The following LINGO2 variants were observed in gnomAD, a reference collection of about 807,000 sequenced individuals.
LINGO2 encodes the protein leucine rich repeat and Ig domain containing 2, also known as leucine-rich repeat and immunoglobulin-like domain-containing nogo receptor-interacting protein 2.
LINGO2 carries 14 observed loss-of-function variants against 30.6 expected under a neutral mutation model. The observed-to-expected ratio is 0.46, with a 90% CI of 0.30 to 0.72. The LOEUF (loss-of-function observed/expected upper bound fraction) is 0.72, where lower values mean the gene tolerates loss of function less well. Ranked by LOEUF, LINGO2 falls within the 30% of genes least tolerant of loss-of-function variation. LINGO2 has a pLI of 0.07. For synonymous variants in LINGO2, 317 were observed against 288.5 expected, an observed-to-expected ratio of 1.10 and a Z score of -1.00; for missense variants, 729 against 751.7, an observed-to-expected ratio of 0.97 and a Z score of 0.35.
the LINGO2 span, among the ~76,000 whole-genome samples, chr9:29,135,795 T>A: frequency 6.6e-6 from 1 of 152,062 alleles, no homozygotes; most frequent in Admixed American, 6.6e-5. Context: ...TCCCACTAGC[T>A]CCTAGCAACC....
chr9:28,490,104 AG>A (rs1346839570), intron 1 of LINGO2, among the ~76,000 whole-genome samples: 1 of 152,074 alleles, frequency 6.6e-6, no homozygotes, highest in African/African-American at 2.4e-5. Flanking sequence ...GTTAGTAAAA[AG>A]GTATATGGTG....
intron 3 of LINGO2, among the ~76,000 whole-genome samples, chr9:28,363,003 C>A (rs894598233): frequency 1.3e-5 from 2 of 152,096 alleles, no homozygotes; most frequent in African/African-American, 2.4e-5. Context: ...CTTCATGTCT[C>A]TTCCCCTTCT....
chr9:28,348,778 C>T (rs1230044190), intron 3 of LINGO2, among the ~76,000 whole-genome samples: 2 of 151,914 alleles, frequency 1.3e-5, no homozygotes, highest in Non-Finnish European at 2.9e-5. Flanking sequence ...AGCAGTGGTT[C>T]TCCCAGCACG....
intron 1 of LINGO2, among the ~76,000 whole-genome samples, chr9:28,591,252 T>C (rs957160158): frequency 7.2e-5 from 11 of 152,030 alleles, no homozygotes; most frequent in Admixed American, 6.6e-5. Context: ...GGCACATGTA[T>C]ACATATGTAA....
chr9:28,806,746 C>A, the LINGO2 span, among the ~76,000 whole-genome samples: 1 of 152,170 alleles, frequency 6.6e-6, no homozygotes, highest in African/African-American at 2.4e-5. Flanking sequence ...TTTTCTTATA[C>A]TCCTTAAACT....
intron 3 of LINGO2, among the ~76,000 whole-genome samples, chr9:28,326,542 A>G (rs909655847): frequency 2.0e-5 from 3 of 152,168 alleles, no homozygotes; most frequent in Non-Finnish European, 4.4e-5. Context: ...TAATTACTGT[A>G]TTTGTTGTTC....
intron 2 of LINGO2, among the ~76,000 whole-genome samples, chr9:28,425,316 T>C (rs997658317): frequency 8.8e-6 from 1 of 113,382 alleles, no homozygotes; most frequent in East Asian, 3.6e-4. Flanking sequence ...ATACACAGTA[T>C]ATATGTGTGT....
intron 1 of LINGO2, among the ~76,000 whole-genome samples, chr9:28,496,232 G>A (rs979266066): frequency 5.2e-4 from 79 of 152,162 alleles, no homozygotes; most frequent in African/African-American, 1.6e-3. Flanking sequence ...TTTCTGTCTC[G>A]TTGATCTGTC....
chr9:28,420,717 A>G (rs1053279063), intron 2 of LINGO2, among the ~76,000 whole-genome samples: 4 of 152,100 alleles, frequency 2.6e-5, no homozygotes, highest in African/African-American at 9.6e-5. Flanking sequence ...AAATTCTGCT[A>G]AAGTTCAGAA....
the LINGO2 span, among the ~76,000 whole-genome samples, chr9:28,932,587 C>T: frequency 2.6e-5 from 4 of 152,128 alleles, no homozygotes; most frequent in Admixed American, 6.6e-5. Flanking sequence ...TTAAGAACTT[C>T]GTGAGTTCTA....
At chr9:28,059,740 A>C (rs1348024051) in intron 4 of LINGO2, among the ~76,000 whole-genome samples, 1 of 152,122 alleles carries the variant, frequency 6.6e-6, no homozygotes, top group Non-Finnish European at 1.5e-5. Context: ...CATCATGTTG[A>C]CTTTTAGCTT....
intron 1 of LINGO2, among the ~76,000 whole-genome samples, chr9:28,664,368 G>A (rs1828707690): frequency 6.6e-6 from 1 of 152,056 alleles, no homozygotes; most frequent in Admixed American, 6.6e-5. Flanking sequence ...AAATGGGGCT[G>A]GAACCACAGT....
At chr9:28,661,078 G>A (rs973502550) in intron 1 of LINGO2, among the ~76,000 whole-genome samples, 2 of 152,078 alleles carry the variant, frequency 1.3e-5, no homozygotes, top group Non-Finnish European at 2.9e-5. Flanking sequence ...CAGAGGTGGA[G>A]TCTATTTGTC....
intron 3 of LINGO2, among the ~76,000 whole-genome samples, chr9:28,301,865 C>T (rs891100711): frequency 5.3e-5 from 8 of 152,242 alleles, no homozygotes; most frequent in African/African-American, 1.9e-4. Context: ...CCCCATCAGG[C>T]TAACCATGGA....
chr9:28,883,628 G>GTGTGTGTATATATATA, the LINGO2 span, among the ~76,000 whole-genome samples: 33 of 64,162 alleles, frequency 5.1e-4, no homozygotes, highest in South Asian at 1.3e-3. Flanking sequence ...ATGTGTGTGT[G>GTGTGTGTATATATATA]TATATATATA....
At position 28,563,322 on chromosome 9, in the gene LINGO2, G is replaced by A. The variant is rs116637058; in HGVS notation, c.-364-87297C>T. Among the ~76,000 whole-genome samples the A allele has an allele frequency of 4.0e-3, 604 of 152,082 alleles. 6 individuals are homozygous for A. Among genetic ancestry groups the A allele is most frequent in the African/African-American group, 0.014 (578 of 41,510 alleles). ...CTGGGAATATCAATAAATTAAAATC[G>A]GGTACTTACAGAATTCTCAATTGTA... On this transcript the variant is annotated intron_variant, in intron 1 of 5. Transcript: ENST00000379992.
chr9:28,447,544 A>G (rs1292096248), intron 2 of LINGO2, among the ~76,000 whole-genome samples: 2 of 152,206 alleles, frequency 1.3e-5, no homozygotes, highest in Non-Finnish European at 2.9e-5. Context: ...GTGGACTAAG[A>G]CAGCAACCAA....
intron 4 of LINGO2, among the ~76,000 whole-genome samples, chr9:28,263,425 AAAG>A (rs1202139892): frequency 6.6e-6 from 1 of 151,992 alleles, no homozygotes; most frequent in African/African-American, 2.4e-5. Flanking sequence ...CACTCACACT[AAAG>A]AAGAGAGGTT....
At chr9:28,758,563 C>A in the LINGO2 span, among the ~76,000 whole-genome samples, 1 of 151,964 alleles carries the variant, frequency 6.6e-6, no homozygotes, top group Non-Finnish European at 1.5e-5. Flanking sequence ...TTGTCATCAT[C>A]CCTCTGAGCA....
Sources: gnomAD v4.1 joint callset for allele counts (sites outside exome capture counted in the v4.1 genomes callset) on GRCh38, gnomAD v4.1.1 for gene constraint, MANE v1.5 for transcripts, NCBI Gene and HGNC (gene_info 2026-07-23, HGNC 2026-07-21) for gene names.